KAZN: variants seen among roughly 807,000 people sequenced by gnomAD.
KAZN encodes the protein kazrin, periplakin interacting protein, also known as kazrin.
In KAZN, 40 loss-of-function variants were observed where a neutral mutation model predicts 87.4. That is an observed-to-expected ratio of 0.46 (90% CI 0.36 to 0.60). The LOEUF is 0.60. KAZN is among the 20% of genes least tolerant of loss of function. The pLI is 0.00. For missense variants in KAZN, 898 were observed against 1,073.9 expected, an observed-to-expected ratio of 0.84 and a Z score of 2.29; for synonymous variants, 466 against 458.3, an observed-to-expected ratio of 1.02 and a Z score of -0.22.
chr1:14,444,343 G>A (rs188778256), intron 2 of KAZN, among the ~76,000 whole-genome samples: 11 of 116,624 alleles, frequency 9.4e-5, no homozygotes, highest in African/African-American at 3.2e-4. Flanking sequence ...ATGGAATCTC[G>A]CTCTTGTCAC....
Position 14,208,319 on chromosome 1 carries a change from T to C in KAZN, c.249+27727T>C, listed in dbSNP as rs113468145. 8.1e-4 allele frequency among the ~76,000 whole-genome samples: 123 copies of C among 152,340 alleles called. 1 individual carries two copies. The highest frequency in any genetic ancestry group is 2.9e-3 in the African/African-American group (119 of 41,588). ...TCTCATATAAACATATACATGGTTG[T>C]CAATAGTAAAGGTTATATAAAAAAT... On this transcript the variant is annotated intron_variant, in intron 2 of 16. Transcript: ENST00000636203.
chr1:13,993,097 A>G (rs1419767271), intron 1 of KAZN, among the ~76,000 whole-genome samples: 1 of 152,150 alleles, frequency 6.6e-6, no homozygotes, highest in Non-Finnish European at 1.5e-5. Flanking sequence ...CCATGTGAAT[A>G]GAAGTAGTGT....
intron 1 of KAZN, among the ~76,000 whole-genome samples, chr1:14,714,378 A>T (rs1179343909): frequency 6.6e-6 from 1 of 152,082 alleles, no homozygotes; most frequent in African/African-American, 2.4e-5. Context: ...GCTGTGTTGG[A>T]GAGGCATTAT....
At chr1:15,015,994 C>T (rs1198583305) in intron 2 of KAZN, among the ~76,000 whole-genome samples, 3 of 152,184 alleles carry the variant, frequency 2.0e-5, no homozygotes, top group African/African-American at 7.2e-5. Context: ...ATACCTCCAC[C>T]CGGAACCTGT....
chr1:14,176,078 A>G (rs1027892379), intron 1 of KAZN, among the ~76,000 whole-genome samples: 3 of 152,204 alleles, frequency 2.0e-5, no homozygotes, highest in Non-Finnish European at 4.4e-5. Flanking sequence ...ATGGAACTCA[A>G]TTTAGATCTG....
chr1:14,585,877 G>T (rs757105135), intron 2 of KAZN, among the ~76,000 whole-genome samples: 2 of 152,180 alleles, frequency 1.3e-5, no homozygotes, highest in Non-Finnish European at 2.9e-5. Context: ...TCTGCTGATT[G>T]TCTGTTAGAA....
intron 1 of KAZN, among the ~76,000 whole-genome samples, chr1:14,722,009 G>T (rs1311406233): frequency 6.6e-6 from 1 of 152,008 alleles, no homozygotes; most frequent in Non-Finnish European, 1.5e-5. Context: ...ATAAAAATTA[G>T]CCAGGCATGG....
At chr1:14,263,423 A>G (rs1333424927) in intron 2 of KAZN, among the ~76,000 whole-genome samples, 1 of 152,200 alleles carries the variant, frequency 6.6e-6, no homozygotes, top group Non-Finnish European at 1.5e-5. Context: ...CTCTAATCTA[A>G]TTAGACAGGA....
intron 2 of KAZN, among the ~76,000 whole-genome samples, chr1:14,574,836 G>A (rs1276461659): frequency 1.3e-5 from 2 of 152,204 alleles, no homozygotes; most frequent in African/African-American, 4.8e-5. Context: ...GAGGAAGTGT[G>A]GTGGTGGAAG....
intron 1 of KAZN, among the ~76,000 whole-genome samples, chr1:13,938,980 AAAACCATTC>A (rs1640839878): frequency 1.3e-5 from 2 of 152,206 alleles, no homozygotes; most frequent in Non-Finnish European, 2.9e-5. Flanking sequence ...CCTTGCCCAC[AAAACCATTC>A]TTTCCTCCTA....
At chr1:14,613,382 G>C (rs927228555) in intron 1 of KAZN, among the ~76,000 whole-genome samples, 3 of 152,012 alleles carry the variant, frequency 2.0e-5, no homozygotes, top group Admixed American at 6.6e-5. Flanking sequence ...ATTAGCCAGG[G>C]GCCAGTTTTC....
chr1:14,367,143 T>C (rs1043573299), intron 2 of KAZN, among the ~76,000 whole-genome samples: 1 of 152,116 alleles, frequency 6.6e-6, no homozygotes, highest in Non-Finnish European at 1.5e-5. Context: ...GCAGGAGAAC[T>C]GCTTGAACAC....
At chr1:14,689,672 T>A (rs915208142) in intron 1 of KAZN, among the ~76,000 whole-genome samples, 1 of 152,176 alleles carries the variant, frequency 6.6e-6, no homozygotes, top group Admixed American at 6.5e-5. Context: ...TGCACTACCC[T>A]GCTAGCTGCC....
chr1:14,942,312 G>T (rs541764373), intron 1 of KAZN, among the ~76,000 whole-genome samples: 4 of 152,136 alleles, frequency 2.6e-5, no homozygotes, highest in Admixed American at 2.6e-4. Context: ...GTCCCCAGAC[G>T]TTCCAGGGAT....
intron 2 of KAZN, among the ~76,000 whole-genome samples, chr1:14,536,113 A>G (rs1672491109): frequency 6.6e-6 from 1 of 152,224 alleles, no homozygotes; most frequent in Non-Finnish European, 1.5e-5. Context: ...AGGCTAGAGC[A>G]TGGTCAACCC....
At chr1:14,476,881 G>A (rs917183552) in intron 2 of KAZN, among the ~76,000 whole-genome samples, 13 of 152,082 alleles carry the variant, frequency 8.5e-5, no homozygotes, top group Middle Eastern at 3.4e-3. Context: ...TTTGTTCTCC[G>A]ACTATACCAA....
chr1:15,098,024 C>T (rs1640875160), intron 10 of KAZN, among the ~76,000 whole-genome samples: 1 of 152,218 alleles, frequency 6.6e-6, no homozygotes, highest in Non-Finnish European at 1.5e-5. Context: ...GCATTCTCCT[C>T]TCTTTTAGTC....
chr1:14,493,849 T>C (rs1669805879), intron 2 of KAZN, among the ~76,000 whole-genome samples: 1 of 152,246 alleles, frequency 6.6e-6, no homozygotes, highest in African/African-American at 2.4e-5. Flanking sequence ...TTTGGCCTCA[T>C]GGCTGAATTT....
rs1643862374 is a variant in KAZN at position 14,735,128 on chromosome 1, C to T, written c.226+135905C>T. On this transcript the variant is annotated intron_variant, in intron 1 of 14. Transcript: ENST00000376030. This position sits in a 1 kb window ranked among gnomAD's most constrained non-coding sequence, Gnocchi z 4.3. ...AGGCCGGACTGTAGTGGCGCTATCT[C>T]GGCTCACTGCGAGCTCCGCCTCCCG... 6.6e-6 allele frequency among the ~76,000 whole-genome samples: 1 copy of T among 152,150 alleles called. No homozygotes were observed. The highest frequency in any genetic ancestry group is 2.1e-4 in the South Asian group (1 of 4,828).
Sources: allele counts gnomAD v4.1 joint callset (sites outside exome capture counted in the v4.1 genomes callset), GRCh38; gene constraint gnomAD v4.1.1; non-coding constraint Gnocchi (gnomAD v3.1); transcripts MANE v1.5; gene names NCBI Gene and HGNC (gene_info 2026-07-23, HGNC 2026-07-21).